The following ASIC2 variants were observed in gnomAD, a reference collection of about 807,000 sequenced individuals.
The protein encoded by ASIC2 is acid sensing ion channel subunit 2.
In ASIC2, 25 loss-of-function variants were observed where a neutral mutation model predicts 57.3. The observed-to-expected ratio is 0.44, with a 90% CI of 0.32 to 0.61. The LOEUF is 0.61. Among genes scored for constraint, ASIC2 ranks in the 20% least tolerant of loss-of-function variants. ASIC2 has a pLI of 0.06. For synonymous variants in ASIC2, 319 were observed against 307.5 expected (o/e 1.04, Z -0.39); for missense variants, 641 against 738.1 (o/e 0.87, Z 1.52).
intron 1 of ASIC2, among the ~76,000 whole-genome samples, chr17:33,464,900 A>G (rs1401751993): frequency 6.6e-6 from 1 of 152,020 alleles, no homozygotes; most frequent in Non-Finnish European, 1.5e-5. Flanking sequence ...ACAGTTTACA[A>G]GTACCAACAA....
In ASIC2 at chr17:33,985,523, G is replaced by A. The variant is rs966871394; in HGVS notation, c.555+170455C>T. On this transcript the variant is annotated intron_variant, in intron 1 of 9. Coordinates refer to the ASIC2 transcript ENST00000359872. The stretch of plus-strand genomic sequence containing the variant: ...AATACTGGCTAAGCAAGATGTTAAT[G>A]GTCTTCAAGGGAAAAGAAAAGATTC... Among the ~76,000 whole-genome samples the A allele has an allele frequency of 4.6e-5, 7 of 152,294 alleles. No individual in the cohort carries two copies. The South Asian group carries it at 1.5e-3, about 32-fold the overall frequency.
chr17:33,207,376 A>G (rs1907103562), intron 1 of ASIC2, among the ~76,000 whole-genome samples: 1 of 152,238 alleles, frequency 6.6e-6, no homozygotes, highest in African/African-American at 2.4e-5. Flanking sequence ...TGATAATAAC[A>G]TCTAAAGTCT....
chr17:33,863,002 CA>C (rs1914137087), intron 1 of ASIC2, among the ~76,000 whole-genome samples: 1 of 152,316 alleles, frequency 6.6e-6, no homozygotes, highest in East Asian at 1.9e-4. Context: ...CAGCTTAACC[CA>C]AACTTCCTGC....
intron 1 of ASIC2, among the ~76,000 whole-genome samples, chr17:33,712,714 C>T (rs1400533931): frequency 7.5e-6 from 1 of 133,488 alleles, no homozygotes; most frequent in Non-Finnish European, 1.5e-5. Flanking sequence ...GGCGGGATCT[C>T]GGCTCACTGC....
chr17:33,762,306 A>G (rs1349250619), intron 1 of ASIC2, among the ~76,000 whole-genome samples: 1 of 152,162 alleles, frequency 6.6e-6, no homozygotes, highest in East Asian at 1.9e-4. Context: ...TAATATTCTC[A>G]GGGATTACAG....
At chr17:33,866,147 T>C (rs1914232296) in intron 1 of ASIC2, among the ~76,000 whole-genome samples, 1 of 152,224 alleles carries the variant, frequency 6.6e-6, no homozygotes, top group Non-Finnish European at 1.5e-5. Flanking sequence ...TCCATTCCAA[T>C]GTTGATGAAC....
intron 1 of ASIC2, among the ~76,000 whole-genome samples, chr17:34,106,072 T>C (rs1027786152): frequency 6.6e-6 from 1 of 152,054 alleles, no homozygotes; most frequent in Admixed American, 6.5e-5. Flanking sequence ...AGTCTTTCCT[T>C]ATCTTTTATG....
At chr17:33,242,454 T>C (rs1908542103) in intron 1 of ASIC2, among the ~76,000 whole-genome samples, 1 of 152,192 alleles carries the variant, frequency 6.6e-6, no homozygotes, top group African/African-American at 2.4e-5. Flanking sequence ...TAATCTTCAA[T>C]GCAACCCTGG....
At chr17:33,034,313 C>T (rs1234367341) in intron 3 of ASIC2, among the ~76,000 whole-genome samples, 2 of 152,132 alleles carry the variant, frequency 1.3e-5, no homozygotes, top group Non-Finnish European at 1.5e-5. Flanking sequence ...CCTAGAGATC[C>T]TGTAACAATA....
In ASIC2 at chr17:33,607,954, A is replaced by C. The variant is rs190963199; in HGVS notation, c.556-495887T>G. ...CCTAAAGGAAGTGTTCAACCGGAAG[A>C]CTTTGCCTTCAACCTAAAGGATCCT... On this transcript the variant is annotated intron_variant, in intron 1 of 9. Coordinates refer to the ASIC2 transcript ENST00000359872. 1.9e-3 allele frequency among the ~76,000 whole-genome samples: 294 copies of C among 152,306 alleles called. 1 individual carries two copies. The highest frequency in any genetic ancestry group is 1.5e-3 in the Non-Finnish European group (102 of 68,024).
At chr17:33,076,471 C>T (rs1431657859) in intron 3 of ASIC2, among the ~76,000 whole-genome samples, 1 of 152,198 alleles carries the variant, frequency 6.6e-6, no homozygotes, top group Admixed American at 6.5e-5. Context: ...TATATGAATA[C>T]ATAAATTCAC....
At chr17:33,937,281 TG>T (rs2141976028) in intron 1 of ASIC2, among the ~76,000 whole-genome samples, 1 of 152,334 alleles carries the variant, frequency 6.6e-6, no homozygotes, top group Non-Finnish European at 1.5e-5. Context: ...TTTGTATTTT[TG>T]ATAGAGATGG....
intron 3 of ASIC2, among the ~76,000 whole-genome samples, chr17:33,079,401 G>A (rs567545657): frequency 6.6e-6 from 1 of 152,246 alleles, no homozygotes; most frequent in South Asian, 2.1e-4. Flanking sequence ...AGGAGAGAGT[G>A]TGCGATGCTG....
intron 1 of ASIC2, among the ~76,000 whole-genome samples, chr17:33,872,935 A>G (rs1403996577): frequency 6.6e-6 from 1 of 152,188 alleles, no homozygotes; most frequent in Non-Finnish European, 1.5e-5. Flanking sequence ...TGGGGTGGGA[A>G]CTAGGCAAGG....
intron 1 of ASIC2, among the ~76,000 whole-genome samples, chr17:33,808,857 A>G (rs180966607): frequency 9.2e-5 from 14 of 152,328 alleles, no homozygotes; most frequent in Middle Eastern, 3.4e-3. Context: ...CCCCTATTCT[A>G]TCTTCTCCTG....
chr17:33,896,990 A>G (rs917109047), intron 1 of ASIC2, among the ~76,000 whole-genome samples: 1 of 152,198 alleles, frequency 6.6e-6, no homozygotes, highest in Non-Finnish European at 1.5e-5. Context: ...AGTTGGTCCT[A>G]TTGATTTACA....
At position 33,542,119 on chromosome 17, in the gene ASIC2, C is replaced by A. The variant is rs143940632; in HGVS notation, c.556-430052G>T. Among the ~76,000 whole-genome samples the A allele has an allele frequency of 9.6e-4, 146 of 151,916 alleles. 2 individuals are homozygous for A. Among genetic ancestry groups the A allele is most frequent in the African/African-American group, 3.4e-3 (139 of 41,432 alleles). On this transcript the variant is annotated intron_variant, in intron 1 of 9. Coordinates refer to the ASIC2 transcript ENST00000359872. ...TGTGTAGATTCCAATTAGTGGGAAG[C>A]AAAAGTCACTTCAAATCAATCTTCA...
chr17:33,478,660 G>T (rs1262556832), intron 1 of ASIC2, among the ~76,000 whole-genome samples: 1 of 152,144 alleles, frequency 6.6e-6, no homozygotes, highest in Admixed American at 6.5e-5. Flanking sequence ...AGACCAGAGA[G>T]TCTCAGCATG....
At chr17:33,898,514 G>A (rs140517845) in intron 1 of ASIC2, among the ~76,000 whole-genome samples, 1 of 152,142 alleles carries the variant, frequency 6.6e-6, no homozygotes, top group African/African-American at 2.4e-5. Flanking sequence ...GGGATTACAG[G>A]CATGAGCCAC....
Sources: allele counts gnomAD v4.1 joint callset (sites outside exome capture counted in the v4.1 genomes callset), GRCh38; gene constraint gnomAD v4.1.1; transcripts MANE v1.5; gene names NCBI Gene and HGNC (gene_info 2026-07-23, HGNC 2026-07-21).